The following CUL1 variants were observed in gnomAD, a reference collection of about 807,000 sequenced individuals.
CUL1 encodes the protein cullin 1, also known as cullin-1.
Under a neutral mutation model 118.0 loss-of-function variants are expected in CUL1, and 24 were observed. That is an observed-to-expected ratio of 0.20 (90% CI 0.15 to 0.29). The LOEUF (loss-of-function observed/expected upper bound fraction) is 0.29, where lower values mean the gene tolerates loss of function less well. Ranked by LOEUF, CUL1 falls within the 10% of genes least tolerant of loss-of-function variation. The pLI is 1.00. For synonymous variants in CUL1, 332 were observed against 340.4 expected (o/e 0.98, Z 0.27); for missense variants, 361 against 933.8 (o/e 0.39, Z 7.99).
intron 9 of CUL1, among the ~76,000 whole-genome samples, chr7:148,768,395 T>G (rs1800079204): frequency 6.8e-6 from 1 of 148,020 alleles, no homozygotes; most frequent in Non-Finnish European, 1.5e-5. Context: ...TTTTTTTTTT[T>G]TTTTTTTGAG....
chr7:148,750,479 G>A (rs1799452443), intron 2 of CUL1, among the ~76,000 whole-genome samples: 1 of 152,038 alleles, frequency 6.6e-6, no homozygotes, highest in South Asian at 2.1e-4. Context: ...GCCCTGGTGT[G>A]TGATGTTCCC....
intron 20 of CUL1, 40 bp downstream of exon 20, chr7:148,798,717 C>G (rs759389749): frequency 6.5e-7 from 1 of 1,535,502 alleles, no homozygotes; most frequent in East Asian, 2.2e-5. Context: ...TGCTGTCCCT[C>G]ACGCAGGGAT....
intron 2 of CUL1, 149 bp from the exon 3 acceptor site, chr7:148,753,827 G>A (rs912649919): frequency 1.6e-6 from 1 of 608,826 alleles, no homozygotes; most frequent in Non-Finnish European, 2.7e-6. Context: ...TATGGATAGT[G>A]TGAATGGGAT....
rs73745381 is a variant in CUL1 at position 148,792,678 on chromosome 7, A to C, written c.1807-48A>C. 7,876 of 1,370,998 alleles carry C rather than the reference A, an allele frequency of 5.7e-3. 352 individuals are homozygous for C. The African/African-American group carries it at 0.1, about 17-fold the overall frequency. The allele number at this position is 1,370,998 out of a possible 1,614,324, so 84.9% of individuals were successfully genotyped here. ...GCTGTATATTTTGGGAGGTGTTTCCATGCATGTAAATTTTCCTTCTTTTTC... is the reference window on the plus strand; with the variant it reads ...GCTGTATATTTTGGGAGGTGTTTCCCTGCATGTAAATTTTCCTTCTTTTTC... On this transcript the variant is annotated intron_variant, in intron 16 of 21. Coordinates refer to ENST00000325222, the MANE Select transcript of CUL1 (RefSeq NM_003592.3).
At chr7:148,702,958 AGT>A (rs1223348452) in intron 1 of CUL1, among the ~76,000 whole-genome samples, 1 of 152,176 alleles carries the variant, frequency 6.6e-6, no homozygotes, top group East Asian at 1.9e-4. Context: ...TGCCCTCTGA[AGT>A]GTGGGTACTA....
At chr7:148,797,694 T>G in intron 17 of CUL1, 118 bp from the exon 18 acceptor site, 1 of 762,070 alleles carries the variant, frequency 1.3e-6, no homozygotes, top group Non-Finnish European at 2.1e-6. Context: ...ATACTCTTCT[T>G]TTGGGTGATT....
chr7:148,785,705 C>T (rs1324397442), intron 11 of CUL1, among the ~76,000 whole-genome samples: 1 of 151,900 alleles, frequency 6.6e-6, no homozygotes, highest in African/African-American at 2.4e-5. Flanking sequence ...AAATGTCCCT[C>T]GTCAAGTCTA....
chr7:148,767,154 C>A (rs748979194), intron 8 of CUL1, among the ~76,000 whole-genome samples: 1 of 152,166 alleles, frequency 6.6e-6, no homozygotes, highest in Non-Finnish European at 1.5e-5. Context: ...CGTCTTAAAT[C>A]AATTTGGGAG....
intron 3 of CUL1, 150 bp downstream of exon 3, chr7:148,754,300 A>G: frequency 1.8e-6 from 1 of 570,786 alleles, no homozygotes; most frequent in Admixed American, 3.4e-5. Context: ...ATAGTCTTTT[A>G]CCTACTGTGA....
chr7:148,708,620 C>T (rs959622663), intron 1 of CUL1, among the ~76,000 whole-genome samples: 9 of 152,162 alleles, frequency 5.9e-5, no homozygotes, highest in Admixed American at 5.9e-4. Flanking sequence ...CTTTGCAGCC[C>T]TTTGCCACAA....
chr7:148,703,921 A>G (rs1369169471), intron 1 of CUL1, among the ~76,000 whole-genome samples: 2 of 152,194 alleles, frequency 1.3e-5, no homozygotes, highest in Admixed American at 1.3e-4. Context: ...AAAATTTAAG[A>G]ACCAAAAAGT....
At chr7:148,725,219 G>GTGCGCGCGCACA (rs1554463797) in intron 1 of CUL1, among the ~76,000 whole-genome samples, 1 of 140,060 alleles carries the variant, frequency 7.1e-6, no homozygotes, top group Non-Finnish European at 1.5e-5. Context: ...ACACGCGCGC[G>GTGCGCGCGCACA]CTCACACACA....
At chr7:148,761,667 A>T (rs1423369748) in intron 7 of CUL1, among the ~76,000 whole-genome samples, 3 of 152,258 alleles carry the variant, frequency 2.0e-5, no homozygotes, top group Non-Finnish European at 4.4e-5. Flanking sequence ...CAACTCTGCC[A>T]TTGCAGCACA....
At chr7:148,788,946 G>A (rs755874397) in intron 14 of CUL1, among the ~76,000 whole-genome samples, 3 of 152,100 alleles carry the variant, frequency 2.0e-5, no homozygotes, top group Non-Finnish European at 4.4e-5. Context: ...GTTTTGTCTT[G>A]TAAACCTTAG....
At chr7:148,710,825 G>A (rs1019322214) in intron 1 of CUL1, among the ~76,000 whole-genome samples, 18 of 151,932 alleles carry the variant, frequency 1.2e-4, no homozygotes, top group Admixed American at 5.9e-4. Context: ...CACCATGCCC[G>A]GCTAATTTTT....
At chr7:148,750,319 C>CT (rs1281079170) in intron 2 of CUL1, among the ~76,000 whole-genome samples, 1 of 145,174 alleles carries the variant, frequency 6.9e-6, no homozygotes, top group African/African-American at 2.6e-5. Context: ...TTAAATTATA[C>CT]TTTAAGTTCT....
intron 1 of CUL1, among the ~76,000 whole-genome samples, chr7:148,718,441 C>G (rs370797802): frequency 1.3e-5 from 2 of 152,186 alleles, no homozygotes; most frequent in African/African-American, 4.8e-5. Flanking sequence ...ATAGATTTGC[C>G]TATTCTGGAC....
intron 9 of CUL1, 104 bp downstream of exon 9, chr7:148,767,853 T>A: frequency 9.0e-7 from 1 of 1,115,368 alleles, no homozygotes; most frequent in Non-Finnish European, 1.3e-6. Context: ...GGTACCATTT[T>A]CATTAGAACT....
Position 148,787,139 on chromosome 7 carries a change from T to C in CUL1, c.1479+19T>C. 1.2e-6 allele frequency: 2 copies of C among 1,611,414 alleles called. No individual in the cohort carries two copies. Among genetic ancestry groups the C allele is most frequent in the Non-Finnish European group, 1.7e-6 (2 of 1,178,646 alleles). On this transcript the variant is annotated intron_variant, in intron 13 of 21. Transcript: ENST00000325222. The surrounding 1 kb of genome is among the most constrained non-coding windows in gnomAD (Gnocchi z 5.5). ...GTTAAAGGTGAGTTTCATCTTTTCC[T>C]GAAAAATCCCAGCTTCTGAGTCATT...
Sources: allele counts gnomAD v4.1 joint callset (sites outside exome capture counted in the v4.1 genomes callset), GRCh38; gene constraint gnomAD v4.1.1; non-coding constraint Gnocchi (gnomAD v3.1); transcripts MANE v1.5; gene names NCBI Gene and HGNC (gene_info 2026-07-23, HGNC 2026-07-21).